The following MALRD1 variants were observed in gnomAD, a reference collection of about 807,000 sequenced individuals.
The protein encoded by MALRD1 is MAM and LDL-receptor class A domain-containing protein 1.
In MALRD1, 247 loss-of-function variants were observed where a neutral mutation model predicts 242.1. The observed-to-expected ratio is 1.02, with a 90% CI of 0.92 to 1.13. The LOEUF is 1.13. MALRD1 is among the 50% of genes most tolerant of loss of function. The probability of loss-of-function intolerance (pLI) is 0.00; values close to 1 mark genes in which losing one functional copy is unlikely to be tolerated. For synonymous variants in MALRD1, 995 were observed against 866.6 expected (o/e 1.15, Z -2.60); for missense variants, 2,989 against 2,533.1 (o/e 1.18, Z -3.86).
chr10:19,723,412 C>T (rs990578693), intron 38 of MALRD1, among the ~76,000 whole-genome samples: 1 of 151,962 alleles, frequency 6.6e-6, no homozygotes, highest in Non-Finnish European at 1.5e-5. Flanking sequence ...AATGGTATTC[C>T]CTTTCACTTA....
intron 38 of MALRD1, among the ~76,000 whole-genome samples, chr10:19,698,143 G>A (rs192226743): frequency 1.4e-4 from 22 of 152,254 alleles, no homozygotes; most frequent in African/African-American, 4.8e-4. Context: ...CTTAACATAT[G>A]AGATATTAGT....
intron 4 of MALRD1, among the ~76,000 whole-genome samples, chr10:19,098,448 T>G (rs998241044): frequency 1.3e-5 from 2 of 152,200 alleles, no homozygotes; most frequent in African/African-American, 4.8e-5. Context: ...AATGTAAATT[T>G]TAATCTTAAC....
chr10:19,156,307 T>C (rs1834141984), intron 12 of MALRD1, among the ~76,000 whole-genome samples: 1 of 152,054 alleles, frequency 6.6e-6, no homozygotes, highest in Admixed American at 6.5e-5. Context: ...TCTTTTGTTT[T>C]TTTTTTTCTT....
chr10:19,495,746 A>G (rs528022334), intron 30 of MALRD1, among the ~76,000 whole-genome samples: 181 of 152,310 alleles, frequency 1.2e-3, no homozygotes, highest in African/African-American at 4.2e-3. Flanking sequence ...GAATGTAAAT[A>G]GGCAAAATGC....
Position 19,424,752 on chromosome 10 carries a change from TG to T in MALRD1, c.4846-25554del, listed in dbSNP as rs574923704. ...TAATATTTTCTTTAAAAATCACATT[TG>T]TTTTTTTTCTCTAAGTCTTGATACA... On this transcript the variant is annotated intron_variant, in intron 28 of 39. Transcript: ENST00000454679. Among the ~76,000 whole-genome samples the T allele has an allele frequency of 3.0e-4, 46 of 152,238 alleles. 1 individual carries two copies. The South Asian group carries it at 8.5e-3, about 28-fold the overall frequency.
intron 32 of MALRD1, among the ~76,000 whole-genome samples, chr10:19,546,761 A>C (rs1380190578): frequency 6.6e-6 from 1 of 152,148 alleles, no homozygotes; most frequent in African/African-American, 2.4e-5. Context: ...AGTCCTAACT[A>C]TTTCTGTAAG....
intron 36 of MALRD1, among the ~76,000 whole-genome samples, chr10:19,654,739 G>A (rs563250165): frequency 2.6e-5 from 4 of 152,254 alleles, no homozygotes; most frequent in South Asian, 2.1e-4. Context: ...GAGACAGAAC[G>A]AAAATTGAAG....
At chr10:19,453,876 G>GA (rs11399924) in intron 29 of MALRD1, among the ~76,000 whole-genome samples, 43,481 of 144,180 alleles carry the variant, frequency 0.3, 6,343 homozygotes, top group Admixed American at 0.39. Context: ...GACTCCGTCT[G>GA]AAAAAAAAAA....
intron 36 of MALRD1, among the ~76,000 whole-genome samples, chr10:19,668,656 G>A (rs540675707): frequency 1.2e-4 from 18 of 152,156 alleles, no homozygotes; most frequent in African/African-American, 4.3e-4. Flanking sequence ...TATATACCTG[G>A]AGTCTGTGAA....
chr10:19,447,228 A>G (rs151308164), intron 28 of MALRD1, among the ~76,000 whole-genome samples: 277 of 152,306 alleles, frequency 1.8e-3, no homozygotes, highest in African/African-American at 6.4e-3. Context: ...GGCATCTAAC[A>G]TAGTACCTGG....
intron 21 of MALRD1, among the ~76,000 whole-genome samples, chr10:19,321,687 A>G (rs955446650): frequency 1.3e-5 from 2 of 152,150 alleles, no homozygotes; most frequent in Non-Finnish European, 2.9e-5. Context: ...ATTGTAAACT[A>G]TAGTCACTCT....
At chr10:19,728,122 A>G (rs927584644) in intron 38 of MALRD1, among the ~76,000 whole-genome samples, 1 of 152,206 alleles carries the variant, frequency 6.6e-6, no homozygotes, top group African/African-American at 2.4e-5. Context: ...TAGGAAAAAT[A>G]AAAGCAATTT....
At chr10:19,567,379 A>G in intron 32 of MALRD1, 123 bp from the exon 33 acceptor site, 1 of 840,628 alleles carries the variant, frequency 1.2e-6, no homozygotes, top group African/African-American at 1.7e-5. Flanking sequence ...CAGATAGAAA[A>G]TACAATAGTC....
chr10:19,312,858 T>G (rs889908510), intron 21 of MALRD1, among the ~76,000 whole-genome samples: 6 of 151,516 alleles, frequency 4.0e-5, no homozygotes, highest in African/African-American at 1.5e-4. Flanking sequence ...GAATTAGTGT[T>G]AGACATGAGT....
At chr10:19,255,599 A>G (rs374653479) in intron 18 of MALRD1, among the ~76,000 whole-genome samples, 1 of 152,070 alleles carries the variant, frequency 6.6e-6, no homozygotes, top group Admixed American at 6.6e-5. Flanking sequence ...AGAGATTGAG[A>G]CTATCATACA....
At chr10:19,141,402 C>T (rs1440667864) in intron 10 of MALRD1, among the ~76,000 whole-genome samples, 1 of 151,920 alleles carries the variant, frequency 6.6e-6, no homozygotes, top group East Asian at 1.9e-4. Flanking sequence ...GAAATTATTG[C>T]TTAATGGGGG....
intron 14 of MALRD1, among the ~76,000 whole-genome samples, chr10:19,186,617 G>T (rs1030397559): frequency 6.6e-6 from 1 of 152,172 alleles, no homozygotes; most frequent in Non-Finnish European, 1.5e-5. Context: ...AATTATTTAA[G>T]ATTAAGTTTC....
chr10:19,443,110 G>A (rs1212598986), intron 28 of MALRD1, among the ~76,000 whole-genome samples: 1 of 152,114 alleles, frequency 6.6e-6, no homozygotes, highest in African/African-American at 2.4e-5. Flanking sequence ...TTGCATAGAG[G>A]TGTTTATAGT....
chr10:19,428,087 AG>A (rs1833968309), intron 28 of MALRD1, among the ~76,000 whole-genome samples: 1 of 146,588 alleles, frequency 6.8e-6, no homozygotes, highest in South Asian at 2.4e-4. Flanking sequence ...GACAGAATAA[AG>A]AACAGTTTGA....
Sources: allele counts gnomAD v4.1 joint callset (sites outside exome capture counted in the v4.1 genomes callset), GRCh38; gene constraint gnomAD v4.1.1; transcripts MANE v1.5; gene names NCBI Gene and HGNC (gene_info 2026-07-23, HGNC 2026-07-21).